RTTN: variants seen among roughly 807,000 people sequenced by gnomAD.
The protein encoded by RTTN is rotatin.
Under a neutral mutation model 269.2 loss-of-function variants are expected in RTTN, and 182 were observed. The ratio of observed to expected loss-of-function variants is 0.68; its 90% confidence interval spans 0.60 to 0.76. The LOEUF (loss-of-function observed/expected upper bound fraction) is 0.76. Ranked by LOEUF, RTTN falls within the 30% of genes least tolerant of loss-of-function variation. The pLI, the probability that RTTN is intolerant of heterozygous loss-of-function variation, is 0.00. For missense variants in RTTN, 2,545 were observed against 2,608.6 expected, an observed-to-expected ratio of 0.98 and a Z score of 0.53; for synonymous variants, 1,006 against 963.5, an observed-to-expected ratio of 1.04 and a Z score of -0.82.
intron 21 of RTTN, among the ~76,000 whole-genome samples, chr18:70,137,257 C>A (rs1004794947): frequency 2.0e-5 from 3 of 152,082 alleles, no homozygotes; most frequent in Admixed American, 1.3e-4. Context: ...ACCCAATAAC[C>A]ATTTTTTGGT....
chr18:70,178,758 A>G (rs982979682), intron 10 of RTTN, among the ~76,000 whole-genome samples: 2 of 152,126 alleles, frequency 1.3e-5, no homozygotes, highest in Non-Finnish European at 2.9e-5. Context: ...AATGAGTAGT[A>G]GAATTAAAAC....
At chr18:70,072,716 CT>C (rs1369502690) in intron 34 of RTTN, among the ~76,000 whole-genome samples, 1 of 152,082 alleles carries the variant, frequency 6.6e-6, no homozygotes, top group African/African-American at 2.4e-5. Flanking sequence ...GTCTATAGCC[CT>C]TTTGACAAAT....
intron 14 of RTTN, among the ~76,000 whole-genome samples, chr18:70,152,910 A>G (rs1299389721): frequency 1.3e-5 from 2 of 152,168 alleles, no homozygotes; most frequent in African/African-American, 2.4e-5. Flanking sequence ...ATAGCATCTC[A>G]CTGTACTTAG....
At chr18:70,169,892 G>A (rs1411605007) in intron 11 of RTTN, among the ~76,000 whole-genome samples, 1 of 152,084 alleles carries the variant, frequency 6.6e-6, no homozygotes, top group African/African-American at 2.4e-5. Flanking sequence ...AAGTGGGTTT[G>A]GTCATGATTT....
chr18:70,117,357 G>C (rs189598066), intron 26 of RTTN, among the ~76,000 whole-genome samples: 44 of 152,024 alleles, frequency 2.9e-4, no homozygotes, highest in African/African-American at 1.1e-3. Context: ...TCTATTTCCA[G>C]GTTCCCTTTA....
intron 28 of RTTN, among the ~76,000 whole-genome samples, chr18:70,107,007 C>A (rs1028639167): frequency 6.6e-6 from 1 of 152,192 alleles, no homozygotes; most frequent in Non-Finnish European, 1.5e-5. Flanking sequence ...TGGATTCAGA[C>A]AGTTTATTAC....
At chr18:70,192,549 T>TA (rs1481924674) in intron 8 of RTTN, among the ~76,000 whole-genome samples, 1 of 151,670 alleles carries the variant, frequency 6.6e-6, no homozygotes, top group Non-Finnish European at 1.5e-5. Flanking sequence ...AGTATGGTAG[T>TA]GCACATCTGT....
At chr18:70,153,006 C>T (rs1368553630) in intron 14 of RTTN, among the ~76,000 whole-genome samples, 1 of 152,170 alleles carries the variant, frequency 6.6e-6, no homozygotes, top group East Asian at 1.9e-4. Context: ...TCTCATTATA[C>T]TGCCCTTCTT....
intron 34 of RTTN, among the ~76,000 whole-genome samples, chr18:70,071,218 A>T (rs1288037436): frequency 6.6e-6 from 1 of 152,198 alleles, no homozygotes. Context: ...AATGCTTTTC[A>T]GTTGTTTTAA....
intron 48 of RTTN, 99 bp downstream of exon 48, chr18:70,005,099 A>C: frequency 1.4e-6 from 1 of 701,462 alleles, no homozygotes; most frequent in Non-Finnish European, 2.3e-6. Flanking sequence ...ACATTTTACA[A>C]TGCCATTTTG....
intron 48 of RTTN, 34 bp from the exon 49 acceptor site, chr18:70,004,270 G>C: frequency 6.7e-7 from 1 of 1,487,190 alleles, no homozygotes; most frequent in Non-Finnish European, 9.4e-7. Flanking sequence ...AGAAATACTA[G>C]TTTATGAAAC....
At chr18:70,005,804 G>A (rs2056167316) in intron 47 of RTTN, 1 of 153,784 alleles carries the variant, frequency 6.5e-6, no homozygotes, top group South Asian at 2.0e-4. Flanking sequence ...CACCATTCTA[G>A]GATGGCTGTC....
At chr18:70,073,129 T>C (rs2058340983) in intron 34 of RTTN, among the ~76,000 whole-genome samples, 1 of 152,156 alleles carries the variant, frequency 6.6e-6, no homozygotes, top group South Asian at 2.1e-4. Context: ...CTTCCTGATA[T>C]GTTGTATAAT....
chr18:70,150,829 G>A, intron 14 of RTTN, 96 bp from the exon 15 acceptor site: 2 of 1,002,848 alleles, frequency 2.0e-6, no homozygotes, highest in Non-Finnish European at 2.9e-6. Flanking sequence ...TTCTATTTTA[G>A]TTTTTACTTC....
chr18:70,035,968 T>A (rs2057160461), intron 40 of RTTN, among the ~76,000 whole-genome samples: 1 of 152,178 alleles, frequency 6.6e-6, no homozygotes, highest in South Asian at 2.1e-4. Flanking sequence ...ACATCACTGA[T>A]CATTAGAGAA....
chr18:70,049,906 T>A (rs568452765), intron 39 of RTTN, among the ~76,000 whole-genome samples: 2 of 152,216 alleles, frequency 1.3e-5, no homozygotes, highest in Non-Finnish European at 2.9e-5. Context: ...GTATCCTAAC[T>A]TTCCATGTTA....
At chr18:70,114,144 T>C (rs1332226024) in intron 27 of RTTN, among the ~76,000 whole-genome samples, 2 of 152,124 alleles carry the variant, frequency 1.3e-5, no homozygotes, top group Non-Finnish European at 1.5e-5. Flanking sequence ...GGCATAGGTA[T>C]GACTGCTCAA....
chr18:70,199,986 G>A lies in RTTN; in HGVS notation c.488-482C>T, dbSNP rs536735684. ...CCTCTGCGAAGATGACTTGAAGACC[G>A]TAAGGTCAAAAAACAAGTATCAGTG... is the stretch of plus-strand genomic sequence containing the variant. On this transcript the variant is annotated intron_variant, in intron 4 of 48. Transcript: ENST00000640769. Among the ~76,000 whole-genome samples the A allele has an allele frequency of 1.2e-4, 19 of 152,296 alleles. 1 individual carries two copies. In the South Asian group the frequency reaches 2.7e-3, roughly 22 times the overall value.
chr18:70,073,626 A>G (rs763603467), intron 34 of RTTN, among the ~76,000 whole-genome samples: 9 of 152,186 alleles, frequency 5.9e-5, no homozygotes, highest in Non-Finnish European at 8.8e-5. Flanking sequence ...AGCAAGACAC[A>G]CCCTGGTTCA....
Sources: gnomAD v4.1 joint callset for allele counts (sites outside exome capture counted in the v4.1 genomes callset) on GRCh38, gnomAD v4.1.1 for gene constraint, MANE v1.5 for transcripts, NCBI Gene and HGNC (gene_info 2026-07-23, HGNC 2026-07-21) for gene names.